The following FER1L6 variants were observed in gnomAD, a reference collection of about 807,000 sequenced individuals.
The protein encoded by FER1L6 is fer-1 like family member 6, also known as fer-1-like protein 6.
FER1L6 carries 177 observed loss-of-function variants against 219.2 expected under a neutral mutation model. The ratio of observed to expected loss-of-function variants is 0.81; its 90% CI spans 0.71 to 0.91. The LOEUF is 0.91. Among genes scored for constraint, FER1L6 ranks in the 40% least tolerant of loss-of-function variants. The pLI is 0.00. For missense variants in FER1L6, 2,153 were observed against 2,259.9 expected (o/e 0.95, Z 0.96); for synonymous variants, 768 against 824.3 (o/e 0.93, Z 1.17).
intron 1 of FER1L6, among the ~76,000 whole-genome samples, chr8:123,951,920 GT>G (rs1417073214): frequency 6.6e-6 from 1 of 152,174 alleles, no homozygotes. Context: ...GTAACTTAGT[GT>G]TTGGCCATTT....
chr8:124,003,485 A>G lies in FER1L6; in HGVS notation c.1700+138A>G, dbSNP rs537498928. On this transcript the variant is annotated intron_variant, in intron 13 of 40. Transcript: ENST00000522917. The stretch of plus-strand genomic sequence containing the variant: ...TTTTTTTTTTTTTTTTTTTTTTGAG[A>G]CGGAGTCTTGCTTGGTCACCAGACT... 3.0e-4 allele frequency: 162 copies of G among 538,574 alleles called. 2 individuals are homozygous for G. Among genetic ancestry groups the G allele is most frequent in the Admixed American group, 9.0e-4 (19 of 21,114 alleles). The allele number at this position is 538,574 out of a possible 1,614,324, so 33.4% of individuals were successfully genotyped here.
Position 124,064,459 on chromosome 8 carries a change from C to T in FER1L6, c.3441C>T (p.Pro1147=), listed in dbSNP as rs748026165. 1.1e-5 allele frequency: 17 copies of T among 1,614,020 alleles called. 1 individual carries two copies. In the Middle Eastern group the frequency reaches 6.6e-4, roughly 63 times the overall value. ...TTGAGCCACCTCCCACAGTGGTGCC[C>T]GACTCTGCCCAGGCCCAGCCGGCCA... The part of the protein sequence containing the change: ...VDVEPPPTVV[P]DSAQAQPAIL... The change falls in exon 26 of 41, where the codon CCC becomes CCT. Residue 1147 remains proline, a synonymous_variant. Transcript: ENST00000522917.
At position 124,021,660 on chromosome 8, in the gene FER1L6, T is replaced by C. The variant is rs376108317; in HGVS notation, c.2124T>C (p.Leu708=). The part of the protein sequence containing the change: ...AQNFVEKIRF[L]VDEPQHTIPD... The stretch of plus-strand genomic sequence containing the variant: ...ACTTTGTGGAAAAAATCCGCTTTCT[T>C]GTTGATGAGGTAACTGACTCTAAAG... Residue 708 remains leucine, a synonymous_variant, in exon 17 of 41, where the codon CTT becomes CTC. Coordinates refer to ENST00000522917, the MANE Select transcript of FER1L6 (RefSeq NM_001039112.2). The C allele has an allele frequency of 3.1e-6, 5 of 1,614,152 alleles. No homozygotes were observed. In the South Asian group the frequency reaches 3.3e-5, roughly 11 times the overall value.
At chr8:124,033,946 A>C (rs547083109) in intron 18 of FER1L6, among the ~76,000 whole-genome samples, 34 of 152,268 alleles carry the variant, frequency 2.2e-4, no homozygotes, top group African/African-American at 7.9e-4. Flanking sequence ...CTCCCTCAGC[A>C]AGGGCCTAGC....
chr8:124,067,789 GA>G lies in FER1L6; in HGVS notation c.3708del (p.Gly1237AlafsTer10), dbSNP rs747094222. 6.8e-6 allele frequency: 11 copies of G among 1,611,716 alleles called. No homozygotes were observed. The highest frequency in any genetic ancestry group is 2.2e-5 in the East Asian group (1 of 44,820). On this transcript the variant is annotated frameshift_variant, in exon 28 of 41. Transcript: ENST00000522917. LOFTEE classifies it high-confidence loss of function. ...AQKAKERNPK[G>X]KKGNTEAKPD... ...AAGGCAAAGGAGAGAAATCCCAAGG[GA>G]AAAAAAGGCAATACAGGTAAGCAGT...
At chr8:123,976,926 A>G (rs1026814846) in intron 9 of FER1L6, among the ~76,000 whole-genome samples, 10 of 152,194 alleles carry the variant, frequency 6.6e-5, no homozygotes, top group South Asian at 6.2e-4. Context: ...ACTCACACAC[A>G]TGTTATCTCT....
At position 124,070,523 on chromosome 8, in the gene FER1L6, T is replaced by G; in HGVS notation, c.3891T>G (p.Thr1297=). 1 of 1,613,694 alleles carries G rather than the reference T, an allele frequency of 6.2e-7. No homozygotes were observed. The highest frequency in any genetic ancestry group is 8.5e-7 in the Non-Finnish European group (1 of 1,179,736). ...ACAATTTTGAAGACTGGGTGAAAAC[T>G]TTTGAGCTCTTCAGAGGCAAGTCTA... ...EFNNFEDWVK[T]FELFRGKSTE... is the part of the protein sequence containing the mutation. Residue 1297 remains threonine, a synonymous_variant, in exon 30 of 41, where the codon ACT becomes ACG. Coordinates refer to ENST00000522917, the MANE Select transcript of FER1L6 (RefSeq NM_001039112.2).
chr8:124,028,922 T>G (rs1278808667), intron 18 of FER1L6, among the ~76,000 whole-genome samples: 1 of 152,188 alleles, frequency 6.6e-6, no homozygotes, highest in Non-Finnish European at 1.5e-5. Flanking sequence ...TTTGTCCTAA[T>G]GGTCTCCCTC....
intron 1 of FER1L6, among the ~76,000 whole-genome samples, chr8:123,871,977 T>C (rs1816930891): frequency 6.6e-6 from 1 of 152,138 alleles, no homozygotes; most frequent in Admixed American, 6.6e-5. Context: ...GGGTAACTTA[T>C]AAAGAAAAGA....
chr8:123,990,657 C>T (rs1816814926), intron 12 of FER1L6, among the ~76,000 whole-genome samples: 1 of 152,070 alleles, frequency 6.6e-6, no homozygotes, highest in Non-Finnish European at 1.5e-5. Flanking sequence ...AGGTTTTCTC[C>T]CATTCTATGG....
At chr8:124,023,935 C>T (rs1481049250) in intron 18 of FER1L6, among the ~76,000 whole-genome samples, 11 of 149,644 alleles carry the variant, frequency 7.4e-5, no homozygotes, top group African/African-American at 1.7e-4. Context: ...CTTGCACTGT[C>T]GCCCGGGCTG....
rs559598469 is a variant in FER1L6 at position 123,934,379 on chromosome 8, TC to T, written c.-7-21611del. Reference sequence around the variant, plus strand: ...GCATTTAGTCACAATGTTTCTAGTCTCCTTTAATACAGGGCAGTTCTCCCAG... The same window carrying T: ...GCATTTAGTCACAATGTTTCTAGTCTCTTTAATACAGGGCAGTTCTCCCAG... On this transcript the variant is annotated intron_variant, in intron 1 of 40. Coordinates refer to ENST00000522917, the MANE Select transcript of FER1L6 (RefSeq NM_001039112.2). 2.4e-4 allele frequency among the ~76,000 whole-genome samples: 36 copies of T among 147,886 alleles called. 1 individual carries two copies. The South Asian group carries it at 7.8e-3, about 32-fold the overall frequency.
At chr8:124,086,927 T>C (rs1821810202) in intron 33 of FER1L6, among the ~76,000 whole-genome samples, 1 of 152,214 alleles carries the variant, frequency 6.6e-6, no homozygotes, top group South Asian at 2.1e-4. Flanking sequence ...TCCTGGCCTA[T>C]AAGGTTTCCA....
At chr8:124,038,102 G>C (rs1819298818) in intron 19 of FER1L6, among the ~76,000 whole-genome samples, 1 of 152,154 alleles carries the variant, frequency 6.6e-6, no homozygotes, top group Non-Finnish European at 1.5e-5. Flanking sequence ...TACGACTACA[G>C]CTGTCTGTGT....
intron 20 of FER1L6, among the ~76,000 whole-genome samples, chr8:124,044,832 A>G (rs1243641226): frequency 6.6e-6 from 1 of 152,204 alleles, no homozygotes; most frequent in East Asian, 1.9e-4. Flanking sequence ...AGAGAAGAAA[A>G]TGCAAGACCA....
intron 1 of FER1L6, among the ~76,000 whole-genome samples, chr8:123,934,120 C>CT (rs775111516): frequency 1.3e-5 from 2 of 151,962 alleles, no homozygotes; most frequent in South Asian, 2.1e-4. Flanking sequence ...ACTATTGATA[C>CT]TTTTTTTTGA....
At chr8:123,883,748 C>T (rs1340713107) in intron 1 of FER1L6, among the ~76,000 whole-genome samples, 1 of 152,118 alleles carries the variant, frequency 6.6e-6, no homozygotes, top group Non-Finnish European at 1.5e-5. Context: ...CTTGCTGCGT[C>T]CTCCAGAGGG....
At chr8:123,999,299 G>C (rs1029644997) in intron 12 of FER1L6, among the ~76,000 whole-genome samples, 2 of 152,182 alleles carry the variant, frequency 1.3e-5, no homozygotes, top group East Asian at 1.9e-4. Context: ...GCTAGGACTG[G>C]GTTCTTCCTT....
At chr8:124,036,998 G>C (rs1442044101) in intron 19 of FER1L6, among the ~76,000 whole-genome samples, 1 of 152,204 alleles carries the variant, frequency 6.6e-6, no homozygotes, top group African/African-American at 2.4e-5. Context: ...TGGCCCTCAA[G>C]TGGGGATAAC....
Sources: allele counts gnomAD v4.1 joint callset (sites outside exome capture counted in the v4.1 genomes callset), GRCh38; gene constraint gnomAD v4.1.1; transcripts MANE v1.5; gene names NCBI Gene and HGNC (gene_info 2026-07-23, HGNC 2026-07-21).